WAPL: variants seen among roughly 807,000 people sequenced by gnomAD.
WAPL encodes wings apart-like protein homolog.
Under a neutral mutation model 121.0 loss-of-function variants are expected in WAPL, and 5 were observed. That is an observed-to-expected ratio of 0.04 (90% CI 0.02 to 0.09). The LOEUF is 0.09. Ranked by LOEUF, WAPL falls within the 10% of genes least tolerant of loss-of-function variation. WAPL has a pLI of 1.00. For synonymous variants in WAPL, 480 were observed against 481.5 expected (o/e 1.00, Z 0.04); for missense variants, 999 against 1,410.8 (o/e 0.71, Z 4.68).
chr10:86,498,325 G>A (rs1002189779), intron 3 of WAPL, among the ~76,000 whole-genome samples: 4 of 152,170 alleles, frequency 2.6e-5, no homozygotes, highest in African/African-American at 9.6e-5. Context: ...GATCTTAAGT[G>A]ACTATAGTAA....
intron 9 of WAPL, 37 bp from the exon 10 acceptor site, chr10:86,461,324 T>C: frequency 6.6e-7 from 1 of 1,514,918 alleles, no homozygotes; most frequent in Admixed American, 1.8e-5. Context: ...ATATCAACTT[T>C]TAGCAATAAC....
chr10:86,472,453 A>G lies in WAPL; in HGVS notation c.1894-109T>C. 1 of 1,507,694 alleles carries G rather than the reference A, an allele frequency of 6.6e-7. No homozygotes were observed. 93.4% of individuals were successfully genotyped at this position (1,507,694 alleles called of 1,614,324 possible). On this transcript the variant is annotated intron_variant, in intron 6 of 18. Coordinates refer to ENST00000298767, the MANE Select transcript of WAPL (RefSeq NM_015045.5). The surrounding 1 kb of genome is among the most constrained non-coding windows in gnomAD (Gnocchi z 4.2). Reference sequence around the variant, plus strand: ...GCATAAAATAGTTCATTAGATGGCAACAAAAATATTTTTAGAACAAGGATG... The same window carrying G: ...GCATAAAATAGTTCATTAGATGGCAGCAAAAATATTTTTAGAACAAGGATG...
At chr10:86,481,455 C>A (rs572038756) in intron 4 of WAPL, among the ~76,000 whole-genome samples, 1 of 152,250 alleles carries the variant, frequency 6.6e-6, no homozygotes, top group East Asian at 1.9e-4. Flanking sequence ...CTCACTGCAA[C>A]CTCCGCCTCC....
At chr10:86,443,675 C>A in intron 16 of WAPL, 1 of 254,996 alleles carries the variant, frequency 3.9e-6, no homozygotes, top group Non-Finnish European at 7.5e-6. Context: ...GTCAAGTATC[C>A]AGAACATATA....
At position 86,504,993 on chromosome 10, in the gene WAPL, T is replaced by TACA. The variant is rs762303070; in HGVS notation, c.500-4253_500-4251dup. On this transcript the variant is annotated intron_variant, in intron 2 of 18. Transcript: ENST00000298767. ...TCCAATAAATTTTATCTTTAATATA[T>TACA]ACAGCATTCAAGTTTGATTATAGCA... Among the ~76,000 whole-genome samples, 6 of 152,168 alleles carry TACA rather than the reference T, an allele frequency of 3.9e-5. No homozygotes were observed. In the South Asian group the frequency reaches 8.3e-4, roughly 21 times the overall value.
chr10:86,485,856 C>A (rs1841918877), intron 4 of WAPL, among the ~76,000 whole-genome samples: 1 of 152,138 alleles, frequency 6.6e-6, no homozygotes, highest in Non-Finnish European at 1.5e-5. Context: ...ATTTTTGTAT[C>A]CCTAGCACAG....
At chr10:86,448,420 C>G (rs1392027775) in intron 15 of WAPL, among the ~76,000 whole-genome samples, 1 of 152,160 alleles carries the variant, frequency 6.6e-6, no homozygotes, top group East Asian at 1.9e-4. Flanking sequence ...CACTGTACTT[C>G]AGCCTGGGTA....
At chr10:86,443,714 A>C in intron 16 of WAPL, 1 of 195,818 alleles carries the variant, frequency 5.1e-6, no homozygotes, top group Non-Finnish European at 1.0e-5. Context: ...CAACAACAAA[A>C]ACAACCCAAT....
At chr10:86,457,279 C>T (rs1428703981) in intron 12 of WAPL, among the ~76,000 whole-genome samples, 1 of 145,272 alleles carries the variant, frequency 6.9e-6, no homozygotes, top group Non-Finnish European at 1.5e-5. Context: ...CACTTAAGCC[C>T]ACGAGTTTGA....
At chr10:86,515,924 G>A (rs898497368) in intron 2 of WAPL, among the ~76,000 whole-genome samples, 1 of 134,248 alleles carries the variant, frequency 7.4e-6, no homozygotes, top group Non-Finnish European at 1.5e-5. Flanking sequence ...GGAGTGCAGT[G>A]GTGCGATCTC....
In WAPL at chr10:86,521,500, G is replaced by A. The variant is rs1376330678; in HGVS notation, c.-158C>T. On this transcript the variant is annotated 5_prime_UTR_variant, in exon 1 of 19. Coordinates refer to ENST00000298767, the MANE Select transcript of WAPL (RefSeq NM_015045.5). ...AGAGCCGAGAGAGGCGAGGGACTCT[G>A]CTTTCGGTAAATAGGAAGCCCGGTT... 2.8e-6 allele frequency: 1 copy of A among 354,038 alleles called. No individual in the cohort carries two copies. Among genetic ancestry groups the A allele is most frequent in the South Asian group, 2.2e-5 (1 of 46,046 alleles). The allele number at this position is 354,038 out of a possible 1,614,324, so 21.9% of individuals were successfully genotyped here.
At chr10:86,503,920 G>A (rs905588447) in intron 2 of WAPL, among the ~76,000 whole-genome samples, 6 of 152,044 alleles carry the variant, frequency 3.9e-5, no homozygotes, top group Admixed American at 2.0e-4. Context: ...CTATAATGCC[G>A]GCTCTTTGGG....
At chr10:86,462,423 A>C (rs1043352206) in intron 9 of WAPL, among the ~76,000 whole-genome samples, 1 of 152,166 alleles carries the variant, frequency 6.6e-6, no homozygotes, top group Non-Finnish European at 1.5e-5. Context: ...TCTTTTAAAA[A>C]AGTTGTTCTC....
chr10:86,507,067 A>AG (rs1842366238), intron 2 of WAPL, among the ~76,000 whole-genome samples: 1 of 151,454 alleles, frequency 6.6e-6, no homozygotes, highest in Non-Finnish European at 1.5e-5. Flanking sequence ...AAGATTTAAA[A>AG]AAAAAAAAAA....
At chr10:86,496,645 A>G (rs931177899) in intron 4 of WAPL, among the ~76,000 whole-genome samples, 1 of 152,188 alleles carries the variant, frequency 6.6e-6, no homozygotes, top group African/African-American at 2.4e-5. Context: ...ATATATATAC[A>G]TATATATCTT....
At chr10:86,510,068 C>CTTTTTTTT (rs11323475) in intron 2 of WAPL, among the ~76,000 whole-genome samples, 5 of 57,238 alleles carry the variant, frequency 8.7e-5, no homozygotes, top group African/African-American at 4.2e-4. Flanking sequence ...TCCACCCGGC[C>CTTTTTTTT]TTTTTTTTTT....
rs1842167261 is a variant in WAPL, at chr10:86,497,281, C to T, written c.1564G>A (p.Glu522Lys). The change falls in exon 4 of 19, where the codon GAA (glutamate) becomes AAA (lysine). Residue 522 changes from glutamate (E) to lysine (K), a missense_variant. By Grantham distance (56) the Glu-to-Lys change is moderately conservative. This residue lies in a region of WAPL where 531 missense variants were observed against 563.1 expected (regional missense o/e 0.94). Coordinates refer to ENST00000298767, the MANE Select transcript of WAPL (RefSeq NM_015045.5). ...DFTEDLPGVP[E>K]SVKKPINKQG... The stretch of plus-strand genomic sequence containing the variant: ...TTATTTATGGGCTTCTTCACACTTT[C>T]AGGCACACCAGGCAAGTCCTCTGTA... 1 of 1,612,312 alleles carries T rather than the reference C, an allele frequency of 6.2e-7. No homozygotes were observed. The highest frequency in any genetic ancestry group is 1.3e-5 in the African/African-American group (1 of 74,790).
chr10:86,480,758 C>G (rs1841764280), intron 4 of WAPL, among the ~76,000 whole-genome samples: 1 of 152,222 alleles, frequency 6.6e-6, no homozygotes, highest in Non-Finnish European at 1.5e-5. Context: ...GGGCATGTGA[C>G]TAAGCTCTTG....
At chr10:86,508,375 T>C (rs551175688) in intron 2 of WAPL, among the ~76,000 whole-genome samples, 5 of 152,312 alleles carry the variant, frequency 3.3e-5, no homozygotes, top group East Asian at 1.9e-4. Flanking sequence ...CAGCCAAACA[T>C]AGCACCCCTT....
Sources: gnomAD v4.1 joint callset for allele counts (sites outside exome capture counted in the v4.1 genomes callset) on GRCh38, gnomAD v4.1.1 for gene constraint, gnomAD v4.1.1 regional missense constraint, Gnocchi (gnomAD v3.1) non-coding constraint, MANE v1.5 for transcripts, NCBI Gene and HGNC (gene_info 2026-07-23, HGNC 2026-07-21) for gene names.